The following PGA5 variants were observed in gnomAD, a reference collection of about 807,000 sequenced individuals.
The protein encoded by PGA5 is pepsinogen A5.
PGA5 carries 19 observed loss-of-function variants against 15.9 expected under a neutral mutation model. That is an observed-to-expected ratio of 1.19 (90% CI 0.83 to 1.75). PGA5 has a LOEUF of 1.75. PGA5 is among the 40% of genes most tolerant of loss of function. PGA5 has a pLI of 0.00. For synonymous variants in PGA5, 92 were observed against 95.8 expected (o/e 0.96, Z 0.23); for missense variants, 224 against 246.4 (o/e 0.91, Z 0.61).
chr11:61,249,858 T>C (rs1427116086), intron 7 of PGA5, 45 bp downstream of exon 7: 9 of 1,613,522 alleles, frequency 5.6e-6, no homozygotes, highest in Non-Finnish European at 7.6e-6. Flanking sequence ...AAGTAGTGGG[T>C]GTGCCAGGCA....
chr11:61,247,943 C>G (rs1304123754), intron 5 of PGA5, among the ~76,000 whole-genome samples: 2 of 152,016 alleles, frequency 1.3e-5, no homozygotes, highest in Non-Finnish European at 2.9e-5. Context: ...GCAGCATCCC[C>G]TACCCCCACC....
intron 7 of PGA5, 22 bp downstream of exon 7, chr11:61,249,835 C>G: frequency 6.2e-7 from 1 of 1,613,650 alleles, no homozygotes. Context: ...CCCGACTGCC[C>G]TGTTCTACAC....
At chr11:61,247,240 G>A (rs915037167) in intron 5 of PGA5, among the ~76,000 whole-genome samples, 1 of 151,492 alleles carries the variant, frequency 6.6e-6, no homozygotes, top group Non-Finnish European at 1.5e-5. Context: ...CAGTGAGTGG[G>A]GTCATGTTTT....
Position 61,249,746 on chromosome 11 carries a change from C to T in PGA5, c.851C>T (p.Thr284Ile). The T allele has an allele frequency of 6.2e-7, 1 of 1,613,668 alleles. No individual in the cohort carries two copies. Among genetic ancestry groups the T allele is most frequent in the Non-Finnish European group, 8.5e-7 (1 of 1,179,862 alleles). Residue 284 changes from threonine (T) to isoleucine (I), a missense_variant, in exon 7 of 9, where the codon ACC becomes ATC. Coordinates refer to ENST00000312403, the MANE Select transcript of PGA5 (RefSeq NM_014224.5). ...AIVDTGTSLL[T>I]GPTSPIANIQ... ...GTTGACACCGGCACCTCTCTGCTGA[C>T]CGGCCCAACCAGCCCCATTGCCAAC...
chr11:61,251,309 G>A lies in PGA5; in HGVS notation c.*28G>A. ...CTAAGTCTCTTCAGCCACCTCCCAGGAAGATCTGGCCTCCGTCCTATGCCC... is the reference window on the plus strand; with the variant it reads ...CTAAGTCTCTTCAGCCACCTCCCAGAAAGATCTGGCCTCCGTCCTATGCCC... On this transcript the variant is annotated 3_prime_UTR_variant, in exon 9 of 9. Transcript: ENST00000312403. The A allele has an allele frequency of 6.2e-7, 1 of 1,611,858 alleles. No individual in the cohort carries two copies. Among genetic ancestry groups the A allele is most frequent in the Non-Finnish European group, 8.5e-7 (1 of 1,179,848 alleles).
At chr11:61,247,812 C>T (rs1410379130) in intron 5 of PGA5, among the ~76,000 whole-genome samples, 1 of 151,988 alleles carries the variant, frequency 6.6e-6, no homozygotes, top group African/African-American at 2.4e-5. Flanking sequence ...CAGCCAGATC[C>T]GAGTTTCTCA....
chr11:61,249,068 A>G (rs1025930989), intron 6 of PGA5, among the ~76,000 whole-genome samples: 1 of 151,984 alleles, frequency 6.6e-6, no homozygotes, highest in Non-Finnish European at 1.5e-5. Flanking sequence ...GGTTTTCCCA[A>G]GAATGAACAA....
rs1415615948 is a variant in PGA5 at position 61,250,024 on chromosome 11, C to T, written c.1017+10C>T. On this transcript the variant is annotated intron_variant, in intron 8 of 8. Transcript: ENST00000312403. ...TGCCTACATCCTGCAGGTGAGGAGG[C>T]TCTGGACCATCCACTAGAGAGGTTC... is the stretch of plus-strand genomic sequence containing the variant. 1 of 1,605,334 alleles carries T rather than the reference C, an allele frequency of 6.2e-7. No individual in the cohort carries two copies. Among genetic ancestry groups the T allele is most frequent in the Admixed American group, 1.7e-5 (1 of 58,950 alleles).
At chr11:61,246,600 A>G (rs1268756338) in intron 5 of PGA5, among the ~76,000 whole-genome samples, 1 of 151,664 alleles carries the variant, frequency 6.6e-6, no homozygotes, top group African/African-American at 2.4e-5. Context: ...TGTCTCTACT[A>G]AAAAATACAA....
chr11:61,251,171 G>C lies in PGA5; in HGVS notation c.1057G>C (p.Val353Leu), dbSNP rs17595. ...CATCAGTGGCTTCCAGGGCATGAAC[G>C]TCCCCACCGAATCTGGAGAGCTTTG... ...SCISGFQGMN[V>L]PTESGELWIL... The change falls in exon 9 of 9, where the codon GTC becomes CTC. Residue 353 changes from valine to leucine, a missense_variant. Coordinates refer to ENST00000312403, the MANE Select transcript of PGA5 (RefSeq NM_014224.5). 2.6e-3 allele frequency: 4,120 copies of C among 1,600,426 alleles called. 54 individuals are homozygous for C. The highest frequency in any genetic ancestry group is 8.0e-3 in the South Asian group (713 of 89,546).
At chr11:61,249,013 A>T (rs1854104234) in intron 6 of PGA5, among the ~76,000 whole-genome samples, 1 of 152,016 alleles carries the variant, frequency 6.6e-6, no homozygotes, top group South Asian at 2.1e-4. Flanking sequence ...CTTCATTTCT[A>T]CGCTGTTCTT....
intron 5 of PGA5, 91 bp downstream of exon 5, chr11:61,246,236 A>C (rs1854063474): frequency 3.6e-6 from 1 of 281,294 alleles, no homozygotes; most frequent in Non-Finnish European, 6.8e-6. Context: ...GCTGGGTGCG[A>C]TGGAGAGGGT....
In PGA5 at chr11:61,248,438, G is replaced by T; in HGVS notation, c.676G>T (p.Val226Leu). 1 of 1,613,816 alleles carries T rather than the reference G, an allele frequency of 6.2e-7. No individual in the cohort carries two copies. The highest frequency in any genetic ancestry group is 8.5e-7 in the Non-Finnish European group (1 of 1,179,866). ...YLSADDKSGS[V>L]VIFGGIDSSY... ...CCACAGCGATGACAAGAGTGGCAGC[G>T]TGGTGATCTTTGGTGGCATTGACTC... The change falls in exon 6 of 9, where the codon GTG becomes TTG. Residue 226 changes from valine (V) to leucine (L), a missense_variant. By Grantham distance (32) the Val-to-Leu change is conservative. Transcript: ENST00000312403.
chr11:61,248,302 A>T, intron 5 of PGA5, 117 bp from the exon 6 acceptor site: 1 of 1,610,880 alleles, frequency 6.2e-7, no homozygotes. Context: ...CATTGGTCAC[A>T]CCCCAGGACA....
chr11:61,250,262 T>G (rs1854121878), intron 8 of PGA5, among the ~76,000 whole-genome samples: 1 of 151,242 alleles, frequency 6.6e-6, no homozygotes, highest in Non-Finnish European at 1.5e-5. Context: ...GGATTCTATT[T>G]GGACCCCTGC....
In PGA5 at chr11:61,248,967, C is replaced by T. The variant is rs555533722; in HGVS notation, c.773+432C>T. 7.9e-5 allele frequency among the ~76,000 whole-genome samples: 12 copies of T among 152,246 alleles called. 1 individual carries two copies. Among genetic ancestry groups the T allele is most frequent in the African/African-American group, 2.7e-4 (11 of 41,466 alleles). On this transcript the variant is annotated intron_variant, in intron 6 of 8. Coordinates refer to ENST00000312403, the MANE Select transcript of PGA5 (RefSeq NM_014224.5). ...AATTGTGTGAAGTCACTTCATTCCA[C>T]CCTCCCCTTCGGGGCCTCCCCTGTC...
chr11:61,249,532 T>A, intron 6 of PGA5, 137 bp from the exon 7 acceptor site: 4 of 1,500,990 alleles, frequency 2.7e-6, no homozygotes, highest in Non-Finnish European at 2.8e-6. Context: ...AATGAGTGCG[T>A]GAACGAGAGG....
intron 6 of PGA5, 46 bp from the exon 7 acceptor site, chr11:61,249,623 T>C: frequency 6.2e-7 from 1 of 1,612,980 alleles, no homozygotes; most frequent in Non-Finnish European, 8.5e-7. Context: ...CTTGGAGAGA[T>C]GAACCCCTGA....
intron 7 of PGA5, 33 bp from the exon 8 acceptor site, chr11:61,249,883 C>T (rs779128408): frequency 1.2e-6 from 2 of 1,613,622 alleles, no homozygotes; most frequent in South Asian, 2.2e-5. Context: ...CGACGAAAAC[C>T]CTTCTAACTT....
Sources: gnomAD v4.1 joint callset for allele counts (sites outside exome capture counted in the v4.1 genomes callset) on GRCh38, gnomAD v4.1.1 for gene constraint, MANE v1.5 for transcripts, NCBI Gene and HGNC (gene_info 2026-07-23, HGNC 2026-07-21) for gene names.